FLNB: variants seen among roughly 807,000 people sequenced by gnomAD.
FLNB encodes the protein filamin-B.
A neutral mutation model predicts 250.6 loss-of-function variants in FLNB; 111 were observed. The ratio of observed to expected loss-of-function variants is 0.44; its 90% confidence interval spans 0.38 to 0.52. FLNB has a LOEUF of 0.52. FLNB is among the 20% of genes least tolerant of loss of function. FLNB has a pLI of 0.00. For missense variants in FLNB, 2,869 were observed against 3,447.8 expected (o/e 0.83, Z 4.20); for synonymous variants, 1,302 against 1,372.1 (o/e 0.95, Z 1.13).
chr3:58,150,258 G>C (rs1445303968), intron 38 of FLNB, 31 bp downstream of exon 38: 2 of 1,613,792 alleles, frequency 1.2e-6, no homozygotes, highest in East Asian at 4.5e-5. Flanking sequence ...GGGTGGGGAA[G>C]CCTTGGCTCC....
At chr3:58,090,284 G>A (rs146265911) in intron 4 of FLNB, among the ~76,000 whole-genome samples, 11 of 152,094 alleles carry the variant, frequency 7.2e-5, no homozygotes, top group East Asian at 5.8e-4. Context: ...GTGTGGAACC[G>A]CCGTCTCCTA....
Position 58,109,334 on chromosome 3 carries a change from G to A in FLNB, c.2199+12G>A. ...ACAGCCCCTACAGGGTAGGTTGTGAGGCAGAATCCTGGCTGTTTTATGGAA... is the reference window on the plus strand; with the variant it reads ...ACAGCCCCTACAGGGTAGGTTGTGAAGCAGAATCCTGGCTGTTTTATGGAA... On this transcript the variant is annotated intron_variant, in intron 14 of 45. Coordinates refer to ENST00000295956, the MANE Select transcript of FLNB (RefSeq NM_001457.4). The A allele has an allele frequency of 1.2e-6, 2 of 1,611,628 alleles. No individual in the cohort carries two copies. Among genetic ancestry groups the A allele is most frequent in the South Asian group, 2.2e-5 (2 of 90,608 alleles).
At chr3:58,132,543 G>T (rs2097309260) in intron 25 of FLNB, 1 of 538,478 alleles carries the variant, frequency 1.9e-6, no homozygotes, top group East Asian at 3.6e-5. Flanking sequence ...AGCACAGGCA[G>T]TCTCCTTAAT....
chr3:58,169,323 G>T lies in FLNB; in HGVS notation c.7418-267G>T, dbSNP rs901890846. 8 of 516,786 alleles carry T rather than the reference G, an allele frequency of 1.5e-5. No homozygotes were observed. The South Asian group carries it at 1.7e-4, about 11-fold the overall frequency. The allele number at this position is 516,786 out of a possible 1,614,324, so 32.0% of individuals were successfully genotyped here. A position where few individuals can be genotyped will look rare whatever the true frequency, so the allele number is the denominator to read the frequency against. On this transcript the variant is annotated intron_variant, in intron 44 of 45. Coordinates refer to ENST00000295956, the MANE Select transcript of FLNB (RefSeq NM_001457.4). This position sits in a 1 kb window ranked among gnomAD's most constrained non-coding sequence, Gnocchi z 4.8. The stretch of plus-strand genomic sequence containing the variant: ...CCACAGGCACATCTTTGGTGGGTAG[G>T]GGGTGGGGGGATTGGGAGGGTCCTT...
chr3:58,124,443 A>T lies in FLNB; in HGVS notation c.3836A>T (p.Glu1279Val). The change falls in exon 22 of 46, where the codon GAG becomes GTG. Residue 1279 changes from glutamate (E) to valine (V), a missense_variant. By Grantham distance (121) the Glu-to-Val change is moderately radical (BLOSUM62 -2). This residue lies in a region of FLNB where 1,348 missense variants were observed against 1,466.7 expected (regional missense o/e 0.92). Coordinates refer to ENST00000295956, the MANE Select transcript of FLNB (RefSeq NM_001457.4). ...GCCAACCCCTCAGGGGCCTCCACCGAGTGCTTTGTCACAGACAATGCGGAT... is the reference window on the plus strand; with the variant it reads ...GCCAACCCCTCAGGGGCCTCCACCGTGTGCTTTGTCACAGACAATGCGGAT... Reference protein sequence around the residue: ...HIANPSGASTECFVTDNADGT... With the variant: ...HIANPSGASTVCFVTDNADGT... The T allele has an allele frequency of 6.2e-7, 1 of 1,614,218 alleles. No homozygotes were observed. The highest frequency in any genetic ancestry group is 8.5e-7 in the Non-Finnish European group (1 of 1,180,028).
intron 13 of FLNB, 59 bp from the exon 14 acceptor site, chr3:58,109,120 C>T: frequency 2.5e-6 from 4 of 1,609,084 alleles, no homozygotes; most frequent in Non-Finnish European, 3.4e-6. Flanking sequence ...CCACAGTGAC[C>T]CTGTCTGATA....
intron 1 of FLNB, among the ~76,000 whole-genome samples, chr3:58,073,172 TTTATTTAC>T (rs1376143922): frequency 2.6e-4 from 40 of 151,818 alleles, no homozygotes; most frequent in Admixed American, 2.2e-3. Flanking sequence ...TATTTATTTA[TTTATTTAC>T]TTATTTATTG....
In FLNB at chr3:58,130,944, C is replaced by CA. The variant is rs2097306320; in HGVS notation, c.4390+36_4390+37insA. 6.3e-6 allele frequency: 10 copies of CA among 1,592,938 alleles called. No homozygotes were observed. In the African/African-American group the frequency reaches 8.0e-5, roughly 13 times the overall value. On this transcript the variant is annotated intron_variant, in intron 25 of 45. Coordinates refer to ENST00000295956, the MANE Select transcript of FLNB (RefSeq NM_001457.4). ...ACCCTGCCTTCCTGCAGACATTCAT[C>CA]TGCCCCAGGCAGGGGCAGCTGTAAC... is the stretch of plus-strand genomic sequence containing the variant.
chr3:58,137,730 G>C (rs1380579668), intron 28 of FLNB, among the ~76,000 whole-genome samples: 4 of 152,218 alleles, frequency 2.6e-5, no homozygotes, highest in Non-Finnish European at 4.4e-5. Flanking sequence ...TCAGGGTTCA[G>C]CCATGTTTCC....
chr3:58,067,581 GTTTGTTTT>G (rs1425286303), intron 1 of FLNB, among the ~76,000 whole-genome samples: 9 of 146,620 alleles, frequency 6.1e-5, no homozygotes, highest in African/African-American at 1.3e-4. Flanking sequence ...GGTTTTTTTT[GTTTGTTTT>G]TTTGTTTTTT....
chr3:58,138,153 C>G lies in FLNB; in HGVS notation c.4862-129C>G, dbSNP rs1031438574. ...CCTGATCAGGGGATCTTTGGGATATCCCTCTGAATGGCAGCAGTTGGAGGC... is the reference window on the plus strand; with the variant it reads ...CCTGATCAGGGGATCTTTGGGATATGCCTCTGAATGGCAGCAGTTGGAGGC... On this transcript the variant is annotated intron_variant, in intron 28 of 45. Transcript: ENST00000295956. The G allele has an allele frequency of 6.8e-6, 8 of 1,180,534 alleles. No individual in the cohort carries two copies. In the Admixed American group the frequency reaches 1.2e-4, roughly 18 times the overall value. The allele number at this position is 1,180,534 out of a possible 1,614,324, so 73.1% of individuals were successfully genotyped here. A position where few individuals can be genotyped will look rare whatever the true frequency, so the allele number is the denominator to read the frequency against.
At chr3:58,041,692 G>C (rs1271173136) in intron 1 of FLNB, among the ~76,000 whole-genome samples, 1 of 152,192 alleles carries the variant, frequency 6.6e-6, no homozygotes, top group East Asian at 1.9e-4. Context: ...CAGTAGCCTT[G>C]ACCCAGGGTA....
chr3:58,095,012 T>C, intron 5 of FLNB, 58 bp downstream of exon 5: 1 of 1,326,216 alleles, frequency 7.5e-7, no homozygotes. Flanking sequence ...TTGGGGCTTG[T>C]AATGCGGCCA....
At chr3:58,132,711 G>A in intron 25 of FLNB, 97 bp from the exon 26 acceptor site, 1 of 1,509,882 alleles carries the variant, frequency 6.6e-7, no homozygotes, top group Non-Finnish European at 9.2e-7. Context: ...GAAACCAATA[G>A]CTCTTGGGGA....
chr3:58,061,745 G>A (rs2106884784), intron 1 of FLNB, among the ~76,000 whole-genome samples: 1 of 137,406 alleles, frequency 7.3e-6, no homozygotes, highest in South Asian at 2.3e-4. Context: ...TCTCCCCCTG[G>A]CCTCCAAAAA....
At chr3:58,014,832 A>T (rs1482154640) in intron 1 of FLNB, among the ~76,000 whole-genome samples, 1 of 152,000 alleles carries the variant, frequency 6.6e-6, no homozygotes, top group Non-Finnish European at 1.5e-5. Flanking sequence ...GGGGTCAAGC[A>T]ATTCTCCTGC....
chr3:58,147,137 A>T, intron 34 of FLNB, 144 bp downstream of exon 34: 1 of 766,878 alleles, frequency 1.3e-6, no homozygotes, highest in Non-Finnish European at 2.1e-6. Context: ...GGAGCAGGGG[A>T]TGGAATGCAA....
intron 8 of FLNB, among the ~76,000 whole-genome samples, chr3:58,100,371 A>AT (rs1273706014): frequency 4.0e-5 from 1 of 25,230 alleles, no homozygotes; most frequent in African/African-American, 3.0e-4. Flanking sequence ...ATGTAAAAAA[A>AT]AAATATATAT....
intron 39 of FLNB, 108 bp from the exon 40 acceptor site, chr3:58,154,683 A>G: frequency 8.3e-7 from 1 of 1,211,556 alleles, no homozygotes; most frequent in Non-Finnish European, 1.2e-6. Context: ...AGAAAGAGGA[A>G]AGGGCTAGCA....
Sources: gnomAD v4.1 joint callset for allele counts (sites outside exome capture counted in the v4.1 genomes callset) on GRCh38, gnomAD v4.1.1 for gene constraint, gnomAD v4.1.1 regional missense constraint, Gnocchi (gnomAD v3.1) non-coding constraint, MANE v1.5 for transcripts, NCBI Gene and HGNC (gene_info 2026-07-23, HGNC 2026-07-21) for gene names.